NCEH1: variants seen among roughly 807,000 people sequenced by gnomAD.
NCEH1 encodes 2-acetyl MAGE hydrolase.
NCEH1 carries 9 observed loss-of-function variants against 25.4 expected under a neutral mutation model. That is an observed-to-expected ratio of 0.35 (90% confidence interval 0.21 to 0.62). The LOEUF is 0.62. Among genes scored for constraint, NCEH1 ranks in the 20% least tolerant of loss-of-function variants. NCEH1 has a pLI of 0.72. For missense variants in NCEH1, 412 were observed against 501.1 expected (o/e 0.82, Z 1.70); for synonymous variants, 200 against 199.8 (o/e 1.00, Z -0.01).
chr3:172,645,333 T>C (rs1023963412), intron 3 of NCEH1, among the ~76,000 whole-genome samples: 2 of 152,206 alleles, frequency 1.3e-5, no homozygotes, highest in South Asian at 2.1e-4. Context: ...TAAAAAGTTA[T>C]ATGTTGCAGG....
chr3:172,667,220 CCTATGTATTTTTAAGGCACCTACT>C (rs1282737835), intron 1 of NCEH1, among the ~76,000 whole-genome samples: 1 of 152,130 alleles, frequency 6.6e-6, no homozygotes, highest in African/African-American at 2.4e-5. Flanking sequence ...CCATTCGGTT[CCTATGTATTTTTAAGGCACCTACT>C]CTGTCTCCAA....
At chr3:172,710,795 C>T (rs1041684680) in intron 1 of NCEH1, 52 bp downstream of exon 1, 12 of 1,601,490 alleles carry the variant, frequency 7.5e-6, no homozygotes, top group Non-Finnish European at 1.0e-5. Context: ...GTATCCCCTT[C>T]AAATATTGCG....
In NCEH1 at chr3:172,647,992, A is replaced by G. The variant is rs754674864; in HGVS notation, c.261T>C (p.Phe87=). 2 of 1,614,158 alleles carry G rather than the reference A, an allele frequency of 1.2e-6. No homozygotes were observed. The highest frequency in any genetic ancestry group is 1.6e-4 in the Middle Eastern group (1 of 6,062). The change falls in exon 2 of 5, where the codon TTT becomes TTC. Residue 87 remains phenylalanine, a synonymous_variant. Transcript: ENST00000475381. The stretch of plus-strand genomic sequence containing the variant: ...CAAACACTCTGACTTCCACACCATC[A>G]AAGTCTGTGTCGGTCACCTTCACTT... ...SAQVKVTDTD[F]DGVEVRVFEG...
intron 1 of NCEH1, among the ~76,000 whole-genome samples, chr3:172,702,252 T>C (rs62281169): frequency 0.12 from 18,548 of 152,234 alleles, 1,317 homozygotes; most frequent in Non-Finnish European, 0.17. Flanking sequence ...GCTAAACTAA[T>C]TGAACACAAA....
At chr3:172,657,697 C>A (rs1196908907) in intron 1 of NCEH1, among the ~76,000 whole-genome samples, 1 of 152,198 alleles carries the variant, frequency 6.6e-6, no homozygotes, top group African/African-American at 2.4e-5. Flanking sequence ...CTGCTGACTT[C>A]CTGTTTCTTA....
intron 1 of NCEH1, among the ~76,000 whole-genome samples, chr3:172,698,135 C>A (rs1048404450): frequency 6.6e-6 from 1 of 152,036 alleles, no homozygotes; most frequent in South Asian, 2.1e-4. Flanking sequence ...CGCCACCATG[C>A]CCGGCTAATT....
chr3:172,660,523 T>G (rs149629479), intron 1 of NCEH1, among the ~76,000 whole-genome samples: 2,356 of 152,344 alleles, frequency 0.015, 59 homozygotes, highest in African/African-American at 0.053. Flanking sequence ...ATGGTATTTC[T>G]AGTTCTAGAT....
intron 1 of NCEH1, among the ~76,000 whole-genome samples, chr3:172,686,100 A>G (rs554434267): frequency 1.5e-3 from 224 of 152,324 alleles, no homozygotes; most frequent in African/African-American, 4.4e-3. Context: ...GCAGGCGGTG[A>G]GAAATTTACT....
intron 1 of NCEH1, among the ~76,000 whole-genome samples, chr3:172,675,919 C>A (rs1164687425): frequency 3.3e-5 from 5 of 152,176 alleles, no homozygotes; most frequent in African/African-American, 1.2e-4. Flanking sequence ...TTTAAACCTT[C>A]TTGTAAAACG....
intron 1 of NCEH1, among the ~76,000 whole-genome samples, chr3:172,668,599 G>A (rs1048060265): frequency 6.6e-6 from 1 of 151,910 alleles, no homozygotes; most frequent in African/African-American, 2.4e-5. Flanking sequence ...TATAGCTTCA[G>A]CCTTCATCAG....
intron 1 of NCEH1, among the ~76,000 whole-genome samples, chr3:172,673,863 G>A (rs1229784852): frequency 1.3e-5 from 2 of 152,180 alleles, no homozygotes; most frequent in African/African-American, 2.4e-5. Flanking sequence ...CCCTCAGGAC[G>A]GCGACAGTCA....
In NCEH1 at chr3:172,648,087, T is replaced by C. The variant is rs1192300827; in HGVS notation, c.166A>G (p.Ser56Gly). The C allele has an allele frequency of 6.2e-7, 1 of 1,614,032 alleles. No individual in the cohort carries two copies. The highest frequency in any genetic ancestry group is 2.2e-5 in the East Asian group (1 of 44,874). Residue 56 changes from serine (S) to glycine (G), a missense_variant, in exon 2 of 5, where the codon AGC (serine) becomes GGC (glycine). Ser to Gly is a moderately conservative substitution (Grantham distance 56, BLOSUM62 0). Coordinates refer to ENST00000475381, the MANE Select transcript of NCEH1 (RefSeq NM_020792.6). ...VSNLIHYLGLSHHLLALNFII... is the reference protein window; with the variant it reads ...VSNLIHYLGLGHHLLALNFII... ...AAATTCAGTGCCAGCAGGTGATGGC[T>C]CAGTCCCAGGTAGTGGATCAGGTTA...
intron 3 of NCEH1, among the ~76,000 whole-genome samples, chr3:172,641,211 T>C (rs1279064047): frequency 2.1e-5 from 3 of 145,062 alleles, no homozygotes; most frequent in Non-Finnish European, 4.5e-5. Flanking sequence ...ATTGTATAAA[T>C]GAGGATACAT....
chr3:172,706,930 G>A (rs376715530), intron 1 of NCEH1, among the ~76,000 whole-genome samples: 2 of 152,044 alleles, frequency 1.3e-5, no homozygotes, highest in South Asian at 2.1e-4. Context: ...GTCTTACGGT[G>A]CTGATGAACA....
intron 1 of NCEH1, among the ~76,000 whole-genome samples, chr3:172,708,556 A>G (rs533652490): frequency 1.8e-4 from 28 of 152,226 alleles, no homozygotes; most frequent in African/African-American, 6.3e-4. Flanking sequence ...AGGTTTCACT[A>G]TGTTGGCCAG....
At chr3:172,667,370 A>T (rs865830195) in intron 1 of NCEH1, among the ~76,000 whole-genome samples, 1 of 152,254 alleles carries the variant, frequency 6.6e-6, no homozygotes, top group Non-Finnish European at 1.5e-5. Context: ...CACTACCTCC[A>T]TTAAAGGAGC....
intron 3 of NCEH1, among the ~76,000 whole-genome samples, chr3:172,638,280 A>G (rs1447491241): frequency 9.7e-6 from 1 of 102,924 alleles, no homozygotes. Flanking sequence ...TCTGTCCAAA[A>G]AAAAAAAAAA....
chr3:172,666,487 CCTCT>C (rs1193003214), intron 1 of NCEH1, among the ~76,000 whole-genome samples: 2 of 152,170 alleles, frequency 1.3e-5, no homozygotes, highest in African/African-American at 4.8e-5. Flanking sequence ...ATCCCCCCTC[CCTCT>C]GTCTCTGTAT....
In NCEH1 at chr3:172,711,008, C is replaced by T; in HGVS notation, c.-24G>A. 3 of 1,613,848 alleles carry T rather than the reference C, an allele frequency of 1.9e-6. No individual in the cohort carries two copies. Among genetic ancestry groups the T allele is most frequent in the Non-Finnish European group, 2.5e-6 (3 of 1,180,002 alleles). On this transcript the variant is annotated 5_prime_UTR_variant, in exon 1 of 5. Coordinates refer to ENST00000475381, the MANE Select transcript of NCEH1 (RefSeq NM_020792.6). ...ATCTTGCCCTGGCTCGGCTCGCCAGCGGGCTGGCAAAGAGGAAAGGGCGAT... is the reference window on the plus strand; with the variant it reads ...ATCTTGCCCTGGCTCGGCTCGCCAGTGGGCTGGCAAAGAGGAAAGGGCGAT...
Sources: gnomAD v4.1 joint callset for allele counts (sites outside exome capture counted in the v4.1 genomes callset) on GRCh38, gnomAD v4.1.1 for gene constraint, MANE v1.5 for transcripts, NCBI Gene and HGNC (gene_info 2026-07-23, HGNC 2026-07-21) for gene names.